The following EMC3 variants were observed in gnomAD, a reference collection of about 807,000 sequenced individuals.
The protein encoded by EMC3 is 30 kDa protein.
In EMC3, 13 loss-of-function variants were observed where a neutral mutation model predicts 36.6. That is an observed-to-expected ratio of 0.35 (90% confidence interval 0.23 to 0.56). EMC3 has a LOEUF of 0.56. EMC3 is among the 20% of genes least tolerant of loss of function. The pLI is 0.84. For missense variants in EMC3, 220 were observed against 324.5 expected (o/e 0.68, Z 2.47); for synonymous variants, 120 against 111.9 (o/e 1.07, Z -0.46).
At position 9,980,668 on chromosome 3, in the gene EMC3, G is replaced by A. The variant is rs545665575; in HGVS notation, c.156-3222C>T. 3.3e-5 allele frequency among the ~76,000 whole-genome samples: 5 copies of A among 151,732 alleles called. No homozygotes were observed. In the South Asian group the frequency reaches 1.0e-3, roughly 32 times the overall value. ...CTCCCAAAGTGCTGGGATTACAGGC[G>A]TGAGCCACCACACCCAGCCAAGTGG... On this transcript the variant is annotated intron_variant, in intron 1 of 7. Coordinates refer to ENST00000245046, the MANE Select transcript of EMC3 (RefSeq NM_001394674.1).
chr3:10,004,529 G>A (rs1352537091), intron 1 of EMC3: 1 of 152,322 alleles, frequency 6.6e-6, no homozygotes, highest in East Asian at 1.9e-4. Flanking sequence ...CTACATTGAA[G>A]TTTCCACCTT....
intron 4 of EMC3, 98 bp downstream of exon 4, chr3:9,974,286 T>C (rs2085821070): frequency 1.2e-6 from 1 of 810,976 alleles, no homozygotes; most frequent in Non-Finnish European, 2.0e-6. Flanking sequence ...AGGACTATTA[T>C]CAGTTTACAA....
In EMC3 at chr3:9,986,520, G is replaced by C; in HGVS notation, c.142C>G (p.Gln48Glu). Residue 48 changes from glutamine to glutamate, a missense_variant, in exon 1 of 8, where the codon CAA becomes GAA. This residue lies in a region of EMC3 where 127 missense variants were observed against 174.6 expected (regional missense o/e 0.73). Coordinates refer to ENST00000245046, the MANE Select transcript of EMC3 (RefSeq NM_001394674.1). The part of the protein sequence containing the change: ...LQSDKKLTQE[Q>E]VSDSQVLIRS... ...GAGGGCGCTGACCTGTCAGATACTT[G>C]TTCCTGGGTGAGCTTCTTGTCGCTC... The C allele has an allele frequency of 6.2e-7, 1 of 1,614,152 alleles. No homozygotes were observed. The highest frequency in any genetic ancestry group is 8.5e-7 in the Non-Finnish European group (1 of 1,180,022).
intron 1 of EMC3, chr3:10,002,816 C>T (rs2086220359): frequency 2.2e-6 from 1 of 456,264 alleles, no homozygotes; most frequent in Admixed American, 2.4e-5. Flanking sequence ...TCTTCCCCCT[C>T]CACGCAGAGC....
In EMC3 at chr3:9,963,978, C is replaced by T; in HGVS notation, c.*91G>A. The T allele has an allele frequency of 6.4e-7, 1 of 1,563,684 alleles. No individual in the cohort carries two copies. Among genetic ancestry groups the T allele is most frequent in the Non-Finnish European group, 8.7e-7 (1 of 1,154,862 alleles). ...GCATGCCTGCCAGCTCGTGCATCCT[C>T]CTTTTTATTTCAAGAGGTGCCAGCT... On this transcript the variant is annotated 3_prime_UTR_variant, in exon 8 of 8. Coordinates refer to ENST00000245046, the MANE Select transcript of EMC3 (RefSeq NM_001394674.1).
At position 9,963,471 on chromosome 3, in the gene EMC3, A is replaced by ATTTTTTTTT. The variant is rs1209408583; in HGVS notation, c.*597_*598insAAAAAAAAA. ...CTAAGATAGATATATATATATATATATATATATTTTTTTTTTTTTTTCAGA... is the reference window on the plus strand; with the variant it reads ...CTAAGATAGATATATATATATATATATTTTTTTTTTATATATTTTTTTTTTTTTTTCAGA... On this transcript the variant is annotated 3_prime_UTR_variant, in exon 8 of 8. Coordinates refer to ENST00000245046, the MANE Select transcript of EMC3 (RefSeq NM_001394674.1). 4 of 109,924 alleles carry ATTTTTTTTT rather than the reference A, an allele frequency of 3.6e-5. 1 individual carries two copies. Among genetic ancestry groups the ATTTTTTTTT allele is most frequent in the African/African-American group, 1.4e-4 (4 of 28,398 alleles). 6.8% of individuals were successfully genotyped at this position (109,924 alleles called of 1,614,324 possible).
rs200964792 is a variant in EMC3 at position 9,963,448 on chromosome 3, A to AAGATAGAT, written c.*613_*620dup. ...TTCCTTCGAAGACTGGGCTTCTGCT[A>AAGATAGAT]AGATAGATATATATATATATATATA... On this transcript the variant is annotated 3_prime_UTR_variant, in exon 8 of 8. Coordinates refer to ENST00000245046, the MANE Select transcript of EMC3 (RefSeq NM_001394674.1). The AAGATAGAT allele has an allele frequency of 1.3e-4, 13 of 97,748 alleles. No homozygotes were observed. The highest frequency in any genetic ancestry group is 7.4e-4 in the East Asian group (3 of 4,032). The allele number at this position is 97,748 out of a possible 1,614,324, so 6.1% of individuals were successfully genotyped here.
At chr3:9,972,861 C>G (rs1167122442) in intron 5 of EMC3, among the ~76,000 whole-genome samples, 2 of 148,348 alleles carry the variant, frequency 1.3e-5, no homozygotes, top group Non-Finnish European at 3.0e-5. Flanking sequence ...TGGAGTCTCA[C>G]TCTGTCGCCC....
intron 7 of EMC3, chr3:9,969,237 C>T (rs1365683276): frequency 1.3e-5 from 10 of 757,166 alleles, no homozygotes; most frequent in African/African-American, 1.9e-5. Flanking sequence ...TGGGATTACA[C>T]GTGTGAGCCC....
chr3:9,965,817 C>A (rs1239241528), intron 7 of EMC3, among the ~76,000 whole-genome samples: 1 of 152,208 alleles, frequency 6.6e-6, no homozygotes, highest in Non-Finnish European at 1.5e-5. Context: ...CAGTATTCCA[C>A]TCTTATTTAT....
At chr3:9,996,236 G>A (rs1296229587) in intron 1 of EMC3, among the ~76,000 whole-genome samples, 1 of 152,192 alleles carries the variant, frequency 6.6e-6, no homozygotes, top group Non-Finnish European at 1.5e-5. Flanking sequence ...ATGTGCCCTG[G>A]AGTTTGAGAC....
chr3:9,987,565 G>A (rs1306109566), upstream of EMC3, among the ~76,000 whole-genome samples: 1 of 152,234 alleles, frequency 6.6e-6, no homozygotes, highest in African/African-American at 2.4e-5. Flanking sequence ...TTAAAGGCGG[G>A]TGTCTGGAAG....
intron 1 of EMC3, among the ~76,000 whole-genome samples, chr3:9,999,244 C>CT (rs60974972): frequency 0.011 from 1,543 of 140,236 alleles, 28 homozygotes; most frequent in African/African-American, 0.029. Context: ...TCAAATTTAT[C>CT]TTTTTTTTTT....
chr3:9,985,840 G>A (rs2085965247), intron 1 of EMC3, among the ~76,000 whole-genome samples: 1 of 152,212 alleles, frequency 6.6e-6, no homozygotes, highest in African/African-American at 2.4e-5. Context: ...ACTGCAGTGA[G>A]CTGAGATGAC....
intron 1 of EMC3, chr3:9,992,775 GCAT>G: frequency 1.3e-6 from 1 of 768,270 alleles, no homozygotes; most frequent in Non-Finnish European, 2.2e-6. Flanking sequence ...GAACAAATGA[GCAT>G]CATCCATTGT....
At chr3:10,001,431 A>T (rs1157174782) in intron 1 of EMC3, among the ~76,000 whole-genome samples, 1 of 144,216 alleles carries the variant, frequency 6.9e-6, no homozygotes, top group East Asian at 2.0e-4. Flanking sequence ...AAAAAAAATT[A>T]GCCGGGTGTG....
At chr3:10,003,071 AC>A (rs1334865199) in intron 1 of EMC3, 3 of 454,060 alleles carry the variant, frequency 6.6e-6, no homozygotes, top group South Asian at 1.6e-5. Flanking sequence ...CCTGTGGCCT[AC>A]CCCTATACCC....
At chr3:10,002,136 A>G (rs1028479826) in intron 1 of EMC3, among the ~76,000 whole-genome samples, 5 of 152,020 alleles carry the variant, frequency 3.3e-5, no homozygotes, top group Non-Finnish European at 5.9e-5. Context: ...TCTGCAAACT[A>G]TGTTGTGGGA....
upstream of EMC3, among the ~76,000 whole-genome samples, chr3:9,989,288 C>T (rs559944102): frequency 2.6e-5 from 4 of 152,316 alleles, no homozygotes; most frequent in East Asian, 3.9e-4. Flanking sequence ...CGGTGGCTCA[C>T]GCCTATAATC....
Sources: gnomAD v4.1 joint callset for allele counts (sites outside exome capture counted in the v4.1 genomes callset) on GRCh38, gnomAD v4.1.1 for gene constraint, gnomAD v4.1.1 regional missense constraint, MANE v1.5 for transcripts, NCBI Gene and HGNC (gene_info 2026-07-23, HGNC 2026-07-21) for gene names.